The following RNF144A variants were observed in gnomAD, a reference collection of about 807,000 sequenced individuals.
RNF144A encodes ring finger protein 144A.
RNF144A carries 11 observed loss-of-function variants against 38.7 expected under a neutral mutation model. That is an observed-to-expected ratio of 0.28 (90% CI 0.18 to 0.47). The LOEUF (loss-of-function observed/expected upper bound fraction) is 0.47. RNF144A is among the 20% of genes least tolerant of loss of function. RNF144A has a pLI of 0.99. For missense variants in RNF144A, 316 were observed against 377.2 expected (o/e 0.84, Z 1.34); for synonymous variants, 149 against 143.9 (o/e 1.04, Z -0.25).
intron 2 of RNF144A, among the ~76,000 whole-genome samples, chr2:6,947,444 T>C (rs1248285624): frequency 6.6e-6 from 1 of 152,168 alleles, no homozygotes; most frequent in Non-Finnish European, 1.5e-5. Context: ...GTAAAAATTA[T>C]GTCAGGAGAA....
intron 2 of RNF144A, among the ~76,000 whole-genome samples, chr2:6,957,965 A>C (rs1396178126): frequency 6.6e-6 from 1 of 152,196 alleles, no homozygotes; most frequent in African/African-American, 2.4e-5. Context: ...TGGGGGCTGC[A>C]GCTGAGACTG....
chr2:7,030,514 G>A (rs1456422850), intron 8 of RNF144A, among the ~76,000 whole-genome samples: 2 of 152,092 alleles, frequency 1.3e-5, no homozygotes, highest in Non-Finnish European at 2.9e-5. Context: ...GGGACTCATG[G>A]CCTTGGTCAT....
At chr2:6,921,551 C>T (rs935663148) in intron 1 of RNF144A, among the ~76,000 whole-genome samples, 2 of 152,182 alleles carry the variant, frequency 1.3e-5, no homozygotes, top group African/African-American at 2.4e-5. Context: ...TGTCCAACAT[C>T]GCACACACGT....
chr2:6,975,264 G>A (rs960769129), intron 2 of RNF144A, among the ~76,000 whole-genome samples: 29 of 152,248 alleles, frequency 1.9e-4, no homozygotes, highest in Admixed American at 6.5e-4. Context: ...ATCAGATGTC[G>A]TGAGACCCAT....
intron 1 of RNF144A, among the ~76,000 whole-genome samples, chr2:6,938,182 C>T (rs555002400): frequency 6.6e-5 from 10 of 151,588 alleles, no homozygotes; most frequent in East Asian, 1.9e-4. Context: ...ATCCAGACTT[C>T]GTCTTTTAAA....
chr2:7,034,846 C>T (rs190139032), intron 8 of RNF144A, among the ~76,000 whole-genome samples: 36 of 152,228 alleles, frequency 2.4e-4, no homozygotes, highest in South Asian at 1.0e-3. Context: ...ACTCTGGGGC[C>T]GGCTGGGGAG....
chr2:6,966,309 G>T (rs1667664015), intron 2 of RNF144A, among the ~76,000 whole-genome samples: 1 of 152,198 alleles, frequency 6.6e-6, no homozygotes, highest in South Asian at 2.1e-4. Context: ...TCACCTTCTA[G>T]CTAGGATGCA....
intron 7 of RNF144A, 58 bp from the exon 8 acceptor site, chr2:7,030,068 C>A: frequency 8.5e-7 from 1 of 1,175,508 alleles, no homozygotes; most frequent in Non-Finnish European, 1.3e-6. Flanking sequence ...GGCTGTGATA[C>A]TCACCGAACT....
At chr2:7,004,589 A>T (rs1194985933) in intron 3 of RNF144A, among the ~76,000 whole-genome samples, 2 of 152,214 alleles carry the variant, frequency 1.3e-5, no homozygotes, top group East Asian at 3.9e-4. Context: ...CCTGTACAGG[A>T]AGCGCCTTCC....
chr2:7,054,241 A>G (rs1673638682), intron 6 of RNF144A, among the ~76,000 whole-genome samples: 1 of 152,202 alleles, frequency 6.6e-6, no homozygotes. Flanking sequence ...GCTGAATAAA[A>G]CAACATTTCG....
At chr2:6,976,324 T>C (rs1668311064) in intron 2 of RNF144A, among the ~76,000 whole-genome samples, 2 of 152,342 alleles carry the variant, frequency 1.3e-5, no homozygotes, top group African/African-American at 2.4e-5. Flanking sequence ...CATCTTGATA[T>C]AGTAAGAGTG....
At chr2:7,070,380 A>C (rs1190117401), downstream of RNF144A, among the ~76,000 whole-genome samples, 1 of 152,124 alleles carries the variant, frequency 6.6e-6, no homozygotes, top group Admixed American at 6.5e-5. Context: ...CATGTTGCCC[A>C]GTCTGAGAAA....
chr2:6,969,716 A>G (rs1667879771), intron 2 of RNF144A, among the ~76,000 whole-genome samples: 1 of 152,236 alleles, frequency 6.6e-6, no homozygotes, highest in Non-Finnish European at 1.5e-5. Context: ...GATTGCAGGC[A>G]AAATACAGTC....
At position 7,024,003 on chromosome 2, in the gene RNF144A, A is replaced by T. The variant is rs79747507; in HGVS notation, c.510-366A>T. Among the ~76,000 whole-genome samples the T allele has an allele frequency of 5.2e-4, 79 of 152,376 alleles. 1 individual carries two copies. Among genetic ancestry groups the T allele is most frequent in the African/African-American group, 1.8e-3 (75 of 41,594 alleles). The stretch of plus-strand genomic sequence containing the variant: ...TATATCAACCCTTTGGAAAGTAGAC[A>T]GCTCTGTGAATAAGGATACAATATT... On this transcript the variant is annotated intron_variant, in intron 6 of 8. Transcript: ENST00000320892.
intron 1 of RNF144A, among the ~76,000 whole-genome samples, chr2:6,918,063 C>T (rs1168293091): frequency 1.3e-5 from 2 of 152,050 alleles, no homozygotes; most frequent in Non-Finnish European, 2.9e-5. Context: ...CGCCCGCAGA[C>T]CCTGGGGCTG....
At chr2:7,025,969 T>C (rs1270737210) in intron 7 of RNF144A, among the ~76,000 whole-genome samples, 11 of 152,180 alleles carry the variant, frequency 7.2e-5, no homozygotes, top group Admixed American at 7.2e-4. Context: ...TTATGAGTGT[T>C]TCTGGGCAAC....
intron 2 of RNF144A, among the ~76,000 whole-genome samples, chr2:6,969,928 A>G (rs186640169): frequency 4.6e-5 from 7 of 152,026 alleles, no homozygotes; most frequent in Non-Finnish European, 1.0e-4. Context: ...CGCCCGGCTA[A>G]TTTTTGTATT....
chr2:7,024,221 T>C, intron 6 of RNF144A, 148 bp from the exon 7 acceptor site: 1 of 699,834 alleles, frequency 1.4e-6, no homozygotes, highest in Non-Finnish European at 2.1e-6. Context: ...TTTCTGTTTC[T>C]TTGTTTTTTG....
At chr2:6,966,647 C>T (rs1011603933) in intron 2 of RNF144A, among the ~76,000 whole-genome samples, 1 of 152,138 alleles carries the variant, frequency 6.6e-6, no homozygotes, top group Non-Finnish European at 1.5e-5. Flanking sequence ...TCCTGTCGTG[C>T]GTTTTGAAAT....
Sources: gnomAD v4.1 joint callset for allele counts (sites outside exome capture counted in the v4.1 genomes callset) on GRCh38, gnomAD v4.1.1 for gene constraint, MANE v1.5 for transcripts, NCBI Gene and HGNC (gene_info 2026-07-23, HGNC 2026-07-21) for gene names.